The following SOX5 variants were observed in gnomAD, a reference collection of about 807,000 sequenced individuals.
The protein encoded by SOX5 is transcription factor SOX-5.
A neutral mutation model predicts 92.0 loss-of-function variants in SOX5; 9 were observed. The observed-to-expected ratio is 0.10, with a 90% CI of 0.06 to 0.17. The LOEUF is 0.17. Among genes scored for constraint, SOX5 ranks in the 10% least tolerant of loss-of-function variants. The probability of loss-of-function intolerance (pLI) is 1.00; values close to 1 mark genes in which losing one functional copy is unlikely to be tolerated. For missense variants in SOX5, 642 were observed against 944.5 expected (o/e 0.68, Z 4.20); for synonymous variants, 344 against 336.3 (o/e 1.02, Z -0.25).
intron 1 of SOX5, among the ~76,000 whole-genome samples, chr12:24,558,262 A>G (rs1566466930): frequency 6.6e-6 from 1 of 152,166 alleles, no homozygotes; most frequent in Non-Finnish European, 1.5e-5. Context: ...TCAAAGCAAA[A>G]TGGACTGTCA....
chr12:24,448,465 G>A (rs759496314), intron 1 of SOX5, among the ~76,000 whole-genome samples: 7 of 152,154 alleles, frequency 4.6e-5, no homozygotes, highest in Non-Finnish European at 8.8e-5. Context: ...GCAATACCGA[G>A]CATTCAGGCC....
chr12:23,895,234 G>A (rs1159546363), intron 2 of SOX5, among the ~76,000 whole-genome samples: 5 of 144,864 alleles, frequency 3.5e-5, no homozygotes, highest in East Asian at 4.0e-4. Context: ...AAAAATTACC[G>A]AATTAACGAA....
intron 4 of SOX5, among the ~76,000 whole-genome samples, chr12:24,195,332 G>A (rs1956909707): frequency 6.6e-6 from 1 of 151,976 alleles, no homozygotes. Context: ...AAAATTCTTA[G>A]TAATGTTCTA....
At chr12:23,729,981 T>C (rs1262076439) in intron 6 of SOX5, among the ~76,000 whole-genome samples, 2 of 152,062 alleles carry the variant, frequency 1.3e-5, no homozygotes, top group Non-Finnish European at 2.9e-5. Context: ...ACAGGAAACT[T>C]AGGTCTCCAG....
chr12:24,410,067 G>A (rs1204285894), intron 1 of SOX5, among the ~76,000 whole-genome samples: 2 of 151,930 alleles, frequency 1.3e-5, no homozygotes, highest in Non-Finnish European at 2.9e-5. Flanking sequence ...GTGCAATCAA[G>A]GCTCACTGCA....
At chr12:24,124,360 C>T (rs1328051059) in intron 4 of SOX5, among the ~76,000 whole-genome samples, 1 of 152,090 alleles carries the variant, frequency 6.6e-6, no homozygotes, top group African/African-American at 2.4e-5. Flanking sequence ...GGCCACAGAA[C>T]ATTTGGAGCG....
intron 6 of SOX5, among the ~76,000 whole-genome samples, chr12:23,719,807 A>AAC (rs2092713610): frequency 1.4e-5 from 2 of 140,744 alleles, no homozygotes; most frequent in African/African-American, 5.1e-5. Context: ...AAAAAAAAAA[A>AAC]AAAACTGATG....
intron 13 of SOX5, among the ~76,000 whole-genome samples, chr12:23,540,364 A>AATT (rs750784386): frequency 9.4e-5 from 4 of 42,454 alleles, no homozygotes; most frequent in Admixed American, 4.6e-4. Flanking sequence ...CTTAAAGTAT[A>AATT]ATAATAATAA....
intron 3 of SOX5, among the ~76,000 whole-genome samples, chr12:24,254,866 T>C (rs778797303): frequency 2.6e-5 from 4 of 152,066 alleles, no homozygotes; most frequent in Non-Finnish European, 5.9e-5. Context: ...TGGATTACTG[T>C]CAGCTTCTAG....
chr12:23,916,845 A>C (rs1162027635), intron 1 of SOX5, among the ~76,000 whole-genome samples: 1 of 152,196 alleles, frequency 6.6e-6, no homozygotes, highest in Non-Finnish European at 1.5e-5. Context: ...TTACCAACTC[A>C]TCTGGTGATT....
chr12:23,547,465 T>A (rs1943357925), intron 11 of SOX5, among the ~76,000 whole-genome samples: 1 of 152,046 alleles, frequency 6.6e-6, no homozygotes, highest in Non-Finnish European at 1.5e-5. Flanking sequence ...CAATAAAATG[T>A]TCACAGAAAG....
intron 4 of SOX5, among the ~76,000 whole-genome samples, chr12:24,089,258 CATCCTAAAAAA>C (rs1382240687): frequency 6.6e-6 from 1 of 152,084 alleles, no homozygotes; most frequent in Non-Finnish European, 1.5e-5. Flanking sequence ...TTTTCTGCTT[CATCCTAAAAAA>C]CAAAGAACGA....
intron 2 of SOX5, among the ~76,000 whole-genome samples, chr12:24,281,569 T>C (rs1030984988): frequency 2.0e-5 from 3 of 152,218 alleles, no homozygotes; most frequent in Non-Finnish European, 4.4e-5. Flanking sequence ...TACTTTTTCC[T>C]TGGGCAACGC....
chr12:24,390,370 C>A (rs1958869015), intron 1 of SOX5, among the ~76,000 whole-genome samples: 1 of 152,120 alleles, frequency 6.6e-6, no homozygotes, highest in Non-Finnish European at 1.5e-5. Context: ...ATAAAATCAA[C>A]CAGAATATTT....
intron 3 of SOX5, among the ~76,000 whole-genome samples, chr12:23,839,203 C>A (rs2135860662): frequency 6.6e-6 from 1 of 152,076 alleles, no homozygotes; most frequent in East Asian, 1.9e-4. Flanking sequence ...AGGTATCTAT[C>A]TCCTGTGCTC....
intron 2 of SOX5, among the ~76,000 whole-genome samples, chr12:23,882,695 T>C (rs2097009934): frequency 6.6e-6 from 1 of 152,182 alleles, no homozygotes; most frequent in Non-Finnish European, 1.5e-5. Flanking sequence ...CAAAAAGTAC[T>C]ATGTTAGGTG....
At chr12:24,171,380 C>G (rs940777547) in intron 4 of SOX5, among the ~76,000 whole-genome samples, 1 of 151,616 alleles carries the variant, frequency 6.6e-6, no homozygotes, top group African/African-American at 2.4e-5. Context: ...CATGCCACCG[C>G]ACCCGGCTAA....
At chr12:23,910,362 A>G (rs2097338613) in intron 1 of SOX5, among the ~76,000 whole-genome samples, 1 of 152,188 alleles carries the variant, frequency 6.6e-6, no homozygotes, top group South Asian at 2.1e-4. Context: ...AAGTTAGGCT[A>G]AGCTAATTAA....
At position 24,511,883 on chromosome 12, in the gene SOX5, G is replaced by T. The variant is rs373196597; in HGVS notation, c.-251+50446C>A. Among the ~76,000 whole-genome samples the T allele has an allele frequency of 4.6e-5, 7 of 151,790 alleles. No individual in the cohort carries two copies. The East Asian group carries it at 7.8e-4, about 17-fold the overall frequency. ...TGAGGCAGGAGAATGGTGTGAACCC[G>T]GGATGTGGATCTTGAAGTGAGCCCA... On this transcript the variant is annotated intron_variant, in intron 1 of 4. Transcript: ENST00000446891.
Sources: allele counts gnomAD v4.1 joint callset (sites outside exome capture counted in the v4.1 genomes callset), GRCh38; gene constraint gnomAD v4.1.1; transcripts MANE v1.5; gene names NCBI Gene and HGNC (gene_info 2026-07-23, HGNC 2026-07-21).